Variants in DRAM1 observed in about 807,000 individuals in gnomAD.
DRAM1 encodes the protein DNA damage regulated autophagy modulator 1, also known as DNA damage-regulated autophagy modulator protein 1.
A neutral mutation model predicts 28.5 loss-of-function variants in DRAM1; 25 were observed. That is an observed-to-expected ratio of 0.88 (90% CI 0.64 to 1.23). The LOEUF is 1.23. Ranked by LOEUF, DRAM1 falls within the 50% of genes most tolerant of loss-of-function variation. DRAM1 has a pLI of 0.00. For missense variants in DRAM1, 249 were observed against 299.2 expected, an observed-to-expected ratio of 0.83 and a Z score of 1.24; for synonymous variants, 113 against 114.2, an observed-to-expected ratio of 0.99 and a Z score of 0.07.
chr12:101,879,734 G>A (rs553785107), intron 1 of DRAM1, among the ~76,000 whole-genome samples: 6 of 152,206 alleles, frequency 3.9e-5, no homozygotes, highest in African/African-American at 1.4e-4. Context: ...AGTGGCTCAC[G>A]CCTGTAATCC....
Position 101,878,000 on chromosome 12 carries a change from G to A in DRAM1, c.131+80G>A, listed in dbSNP as rs1872556989. The A allele has an allele frequency of 2.4e-5, 32 of 1,355,760 alleles. No homozygotes were observed. Among genetic ancestry groups the A allele is most frequent in the Non-Finnish European group, 3.1e-5 (32 of 1,041,294 alleles). 84.0% of individuals were successfully genotyped at this position (1,355,760 alleles called of 1,614,324 possible). A position where few individuals can be genotyped will look rare whatever the true frequency, so the allele number is the denominator to read the frequency against. ...AGCGCTGCCGACGGGGAGGGAAGGC[G>A]TCCGGACCCAGCTTGGGGCGTCGTG... On this transcript the variant is annotated intron_variant, in intron 1 of 6. Transcript: ENST00000258534. This position sits in a 1 kb window ranked among gnomAD's most constrained non-coding sequence, Gnocchi z 4.1.
chr12:101,890,152 C>T (rs1873054989), intron 1 of DRAM1: 2 of 425,388 alleles, frequency 4.7e-6, no homozygotes, highest in Admixed American at 5.3e-5. Context: ...GATCTTGGCT[C>T]ACTGTAACCT....
chr12:101,886,725 A>G (rs1275429222), intron 1 of DRAM1, among the ~76,000 whole-genome samples: 1 of 152,166 alleles, frequency 6.6e-6, no homozygotes, highest in Non-Finnish European at 1.5e-5. Context: ...TCAAATGCCA[A>G]TTGTGTTTAT....
chr12:101,905,890 A>G (rs1392355002), intron 3 of DRAM1, among the ~76,000 whole-genome samples: 1 of 152,098 alleles, frequency 6.6e-6, no homozygotes, highest in Non-Finnish European at 1.5e-5. Context: ...CCTGGGGTCC[A>G]GTAATTCTCC....
chr12:101,914,180 T>C lies in DRAM1; in HGVS notation c.527T>C (p.Val176Ala), dbSNP rs1874146405. The part of the protein sequence containing the change: ...VSCAAVIPMI[V>A]CASLISITKL... Reference sequence around the variant, plus strand: ...AACTGTTTACTTCTTTCAGTGATTGTCTGTGCTTCACTAATTTCCATAACC... The same window carrying C: ...AACTGTTTACTTCTTTCAGTGATTGCCTGTGCTTCACTAATTTCCATAACC... The change falls in exon 5 of 7, where the codon GTC becomes GCC. Residue 176 changes from valine to alanine, a missense_variant. Coordinates refer to ENST00000258534, the MANE Select transcript of DRAM1 (RefSeq NM_018370.3). 6.2e-7 allele frequency: 1 copy of C among 1,607,978 alleles called. No homozygotes were observed. Among genetic ancestry groups the C allele is most frequent in the East Asian group, 2.2e-5 (1 of 44,712 alleles).
intron 4 of DRAM1, among the ~76,000 whole-genome samples, chr12:101,911,740 C>T (rs1346009432): frequency 7.0e-6 from 1 of 142,210 alleles, no homozygotes; most frequent in Non-Finnish European, 1.5e-5. Context: ...TAAAATATCT[C>T]AATAATTTTT....
chr12:101,909,264 A>G (rs1014464949), intron 4 of DRAM1, among the ~76,000 whole-genome samples: 8 of 152,054 alleles, frequency 5.3e-5, no homozygotes, highest in Non-Finnish European at 1.0e-4. Flanking sequence ...TCCGTCTCAA[A>G]AAAAAAAGTG....
At chr12:101,893,737 A>G (rs1347812436) in intron 1 of DRAM1, among the ~76,000 whole-genome samples, 1 of 151,858 alleles carries the variant, frequency 6.6e-6, no homozygotes, top group African/African-American at 2.4e-5. Flanking sequence ...GTGGGTACAT[A>G]GTCAATGCTC....
intron 1 of DRAM1, among the ~76,000 whole-genome samples, chr12:101,892,131 AAACC>A (rs1451170273): frequency 6.6e-6 from 1 of 152,246 alleles, no homozygotes; most frequent in Non-Finnish European, 1.5e-5. Flanking sequence ...AGCAAAAAAC[AAACC>A]AACAAAAGTA....
intron 5 of DRAM1, among the ~76,000 whole-genome samples, chr12:101,918,042 A>G (rs1874326280): frequency 6.6e-6 from 1 of 152,174 alleles, no homozygotes; most frequent in Non-Finnish European, 1.5e-5. Context: ...ATGGTTTTCT[A>G]TTCACTCCAT....
At chr12:101,919,583 C>T (rs554893506) in intron 5 of DRAM1, among the ~76,000 whole-genome samples, 21 of 152,246 alleles carry the variant, frequency 1.4e-4, no homozygotes, top group Non-Finnish European at 2.4e-4. Context: ...GCTGTATTTA[C>T]CTTGGGATGT....
At chr12:101,907,562 A>G (rs1285915795) in intron 3 of DRAM1, among the ~76,000 whole-genome samples, 1 of 152,062 alleles carries the variant, frequency 6.6e-6, no homozygotes, top group African/African-American at 2.4e-5. Context: ...AACATGGCGA[A>G]ACCCCGTCTC....
chr12:101,898,463 T>C (rs1363025316), intron 2 of DRAM1, among the ~76,000 whole-genome samples: 1 of 152,212 alleles, frequency 6.6e-6, no homozygotes, highest in Non-Finnish European at 1.5e-5. Context: ...GGATTTGCTG[T>C]AGGTGGTTTT....
chr12:101,903,634 A>G (rs1873679888), intron 3 of DRAM1, among the ~76,000 whole-genome samples: 1 of 152,174 alleles, frequency 6.6e-6, no homozygotes, highest in African/African-American at 2.4e-5. Context: ...ATAGTTAATA[A>G]TAGTGTATTG....
At chr12:101,899,538 G>C (rs959578508) in intron 2 of DRAM1, among the ~76,000 whole-genome samples, 2 of 151,998 alleles carry the variant, frequency 1.3e-5, no homozygotes, top group African/African-American at 4.8e-5. Context: ...AGTTAGCTGG[G>C]TGTGGTGATG....
intron 3 of DRAM1, among the ~76,000 whole-genome samples, chr12:101,905,471 A>G (rs1200586730): frequency 2.0e-5 from 3 of 151,834 alleles, no homozygotes; most frequent in African/African-American, 7.3e-5. Flanking sequence ...TTGCAGAGAC[A>G]GTGTTTCACC....
chr12:101,907,688 G>A (rs189605607), intron 3 of DRAM1, among the ~76,000 whole-genome samples: 6 of 152,270 alleles, frequency 3.9e-5, no homozygotes, highest in Non-Finnish European at 8.8e-5. Flanking sequence ...GCAGTGAGCC[G>A]AGTTCATGTC....
At chr12:101,920,314 T>TTTTTTTTTTTTC (rs1874433220) in intron 6 of DRAM1, 113 bp downstream of exon 6, 1 of 351,862 alleles carries the variant, frequency 2.8e-6, no homozygotes, top group Non-Finnish European at 4.1e-6. Context: ...TTTTTTTTTT[T>TTTTTTTTTTTTC]TTGAGACGGA....
Position 101,913,917 on chromosome 12 carries a change from A to G in DRAM1, c.521-257A>G, listed in dbSNP as rs181787835. On this transcript the variant is annotated intron_variant, in intron 4 of 6. Coordinates refer to ENST00000258534, the MANE Select transcript of DRAM1 (RefSeq NM_018370.3). ...AGTTTTAATAAATTTTACTATACACACTGGAAAACTATTGCGAAGGTATTT... is the reference window on the plus strand; with the variant it reads ...AGTTTTAATAAATTTTACTATACACGCTGGAAAACTATTGCGAAGGTATTT... 9.2e-5 allele frequency among the ~76,000 whole-genome samples: 14 copies of G among 152,250 alleles called. No homozygotes were observed. The East Asian group carries it at 2.5e-3, about 27-fold the overall frequency.
Sources: gnomAD v4.1 joint callset for allele counts (sites outside exome capture counted in the v4.1 genomes callset) on GRCh38, gnomAD v4.1.1 for gene constraint, Gnocchi (gnomAD v3.1) non-coding constraint, MANE v1.5 for transcripts, NCBI Gene and HGNC (gene_info 2026-07-23, HGNC 2026-07-21) for gene names.